The following ZNF48 variants were observed in gnomAD, a reference collection of about 807,000 sequenced individuals.
The protein encoded by ZNF48 is zinc finger protein 553.
ZNF48 carries 20 observed loss-of-function variants against 40.0 expected under a neutral mutation model. That is an observed-to-expected ratio of 0.50 (90% CI 0.35 to 0.73). ZNF48 has a LOEUF of 0.73. Ranked by LOEUF, ZNF48 falls within the 30% of genes least tolerant of loss-of-function variation. The pLI is 0.01. For synonymous variants in ZNF48, 298 were observed against 329.7 expected (o/e 0.90, Z 1.04); for missense variants, 726 against 851.9 (o/e 0.85, Z 1.84).
At chr16:30,389,573 A>C (rs1597014860) in intron 1 of ZNF48, among the ~76,000 whole-genome samples, 2 of 138,938 alleles carry the variant, frequency 1.4e-5, no homozygotes, top group East Asian at 4.1e-4. Flanking sequence ...ACTCTGTCTC[A>C]AAAAAAAAAA....
intron 1 of ZNF48, among the ~76,000 whole-genome samples, chr16:30,384,251 C>T (rs956074890): frequency 4.8e-5 from 7 of 145,184 alleles, no homozygotes; most frequent in African/African-American, 5.1e-5. Context: ...ACCTCAGGAC[C>T]GCTGCGGTGG....
chr16:30,389,441 T>G, intron 1 of ZNF48, among the ~76,000 whole-genome samples: 1 of 147,472 alleles, frequency 6.8e-6, no homozygotes, highest in Non-Finnish European at 1.5e-5. Context: ...GGCATGGTGG[T>G]GCGCGCCTGT....
chr16:30,382,396 C>A lies in ZNF48; in HGVS notation c.-16+3986C>A, dbSNP rs757000086. 10 of 1,583,962 alleles carry A rather than the reference C, an allele frequency of 6.3e-6. No individual in the cohort carries two copies. The South Asian group carries it at 1.0e-4, about 16-fold the overall frequency. ...GATGGGGGTGGACAATATGAGGCTG[C>A]TGGCAATGGCAGGCAGGGTCCCCAG... On this transcript the variant is annotated intron_variant, in intron 1 of 2. Transcript: ENST00000528032. This position sits in a 1 kb window ranked among gnomAD's most constrained non-coding sequence, Gnocchi z 4.8.
chr16:30,383,500 A>T (rs944850404), intron 1 of ZNF48, among the ~76,000 whole-genome samples: 15 of 152,204 alleles, frequency 9.9e-5, no homozygotes, highest in Admixed American at 4.6e-4. Flanking sequence ...ACGCTGTTTC[A>T]AAAAAAGAAA....
At position 30,399,257 on chromosome 16, in the gene ZNF48, C is replaced by G; in HGVS notation, c.*150C>G. 3.7e-6 allele frequency: 3 copies of G among 815,854 alleles called. No individual in the cohort carries two copies. The East Asian group carries it at 8.2e-5, about 22-fold the overall frequency. The allele number at this position is 815,854 out of a possible 1,614,324, so 50.5% of individuals were successfully genotyped here. ...TAGAAATAGGGATTGGAGACAGTAA[C>G]CTTGAAGCTCAGGAAACTGTCCTGG... On this transcript the variant is annotated 3_prime_UTR_variant, in exon 3 of 3. Coordinates refer to ENST00000613509, the MANE Select transcript of ZNF48 (RefSeq NM_001214909.2).
At chr16:30,378,422 C>T in intron 1 of ZNF48, 2 of 1,558,578 alleles carry the variant, frequency 1.3e-6, no homozygotes, top group Non-Finnish European at 1.7e-6. Context: ...TAAGGCCGGG[C>T]GGGGCGTGGC....
chr16:30,388,971 G>C (rs978672729), intron 1 of ZNF48, among the ~76,000 whole-genome samples: 1 of 148,970 alleles, frequency 6.7e-6, no homozygotes, highest in Non-Finnish European at 1.5e-5. Context: ...TGCAAAAAAG[G>C]CTCTTGTGGC....
chr16:30,392,773 C>G (rs145645433), upstream of ZNF48, among the ~76,000 whole-genome samples: 2 of 152,302 alleles, frequency 1.3e-5, no homozygotes, highest in East Asian at 3.9e-4. Context: ...CCACTGAACA[C>G]TACAGAAGGT....
intron 1 of ZNF48, among the ~76,000 whole-genome samples, chr16:30,384,092 A>G (rs2049880630): frequency 6.6e-6 from 1 of 152,026 alleles, no homozygotes; most frequent in Non-Finnish European, 1.5e-5. Context: ...GTGCGTACCT[A>G]TAATTCCAGC....
In ZNF48 at chr16:30,395,954, C is replaced by G. The variant is rs2049981262; in HGVS notation, c.79+81C>G. 4.4e-6 allele frequency: 6 copies of G among 1,354,074 alleles called. No homozygotes were observed. Among genetic ancestry groups the G allele is most frequent in the African/African-American group, 3.0e-5 (2 of 67,458 alleles). 83.9% of individuals were successfully genotyped at this position (1,354,074 alleles called of 1,614,324 possible). A position where few individuals can be genotyped will look rare whatever the true frequency, so the allele number is the denominator to read the frequency against. On this transcript the variant is annotated intron_variant, in intron 2 of 2. Coordinates refer to ENST00000613509, the MANE Select transcript of ZNF48 (RefSeq NM_001214909.2). This position sits in a 1 kb window ranked among gnomAD's most constrained non-coding sequence, Gnocchi z 5.9. ...ATGCTTGGCTGTGGCCGGCCGAGAT[C>G]CTGGAAGATCGGACGTGAGCTGTGC...
chr16:30,380,809 A>G, intron 1 of ZNF48: 1 of 382,696 alleles, frequency 2.6e-6, no homozygotes, highest in Non-Finnish European at 4.8e-6. Flanking sequence ...AGAGAGATAT[A>G]AGCAGAAACA....
intron 1 of ZNF48, among the ~76,000 whole-genome samples, chr16:30,385,246 C>T (rs1205451270): frequency 6.6e-6 from 1 of 151,132 alleles, no homozygotes; most frequent in Non-Finnish European, 1.5e-5. Context: ...AAGCAAAGGG[C>T]AGGGATCATG....
rs1183714580 is a variant in ZNF48, at chr16:30,380,776, A to G, written c.-16+2366A>G. The G allele has an allele frequency of 4.8e-5, 14 of 291,506 alleles. No homozygotes were observed. The Admixed American group carries it at 5.7e-4, about 12-fold the overall frequency. 18.1% of individuals were successfully genotyped at this position (291,506 alleles called of 1,614,324 possible). A position where few individuals can be genotyped will look rare whatever the true frequency, so the allele number is the denominator to read the frequency against. On this transcript the variant is annotated intron_variant, in intron 1 of 2. Coordinates refer to the ZNF48 transcript ENST00000528032. Reference sequence around the variant, plus strand: ...CAGAGTGAGACTCTATCTAAAAAAAAAAAGAGAGAGAAAGAGAGGCCGAGA... The same window carrying G: ...CAGAGTGAGACTCTATCTAAAAAAAGAAAGAGAGAGAAAGAGAGGCCGAGA...
chr16:30,386,299 G>A (rs753337276), intron 1 of ZNF48, among the ~76,000 whole-genome samples: 25 of 151,976 alleles, frequency 1.6e-4, no homozygotes, highest in South Asian at 2.1e-4. Flanking sequence ...CAAAATTTAG[G>A]ATGATATATA....
At position 30,397,811 on chromosome 16, in the gene ZNF48, T is replaced by G. The variant is rs765335724; in HGVS notation, c.561T>G (p.Ala187=). The stretch of plus-strand genomic sequence containing the variant: ...AGATTCCTCGGTCCCGGATCCCTGC[T>G]GGTGAGCGCCCCACTATCTGTGGTG... The part of the protein sequence containing the change: ...PPKIPRSRIP[A]GERPTICGEC... The change falls in exon 3 of 3, where the codon GCT becomes GCG. Residue 187 remains alanine, a synonymous_variant. Transcript: ENST00000613509. This position sits in a 1 kb window ranked among gnomAD's most constrained non-coding sequence, Gnocchi z 4.1. 6.2e-7 allele frequency: 1 copy of G among 1,613,668 alleles called. No homozygotes were observed. The highest frequency in any genetic ancestry group is 8.5e-7 in the Non-Finnish European group (1 of 1,179,952).
In ZNF48 at chr16:30,399,049, G is replaced by T; in HGVS notation, c.1799G>T (p.Gly600Val). The T allele has an allele frequency of 1.2e-6, 2 of 1,612,140 alleles. No homozygotes were observed. Among genetic ancestry groups the T allele is most frequent in the Non-Finnish European group, 8.5e-7 (1 of 1,178,984 alleles). Reference sequence around the variant, plus strand: ...GGGCACCTGGTCCTGACGCCCTTTGGGATAGGGGATGGTAGGGCAAGGCCC... The same window carrying T: ...GGGCACCTGGTCCTGACGCCCTTTGTGATAGGGGATGGTAGGGCAAGGCCC... ...QRGHLVLTPF[G>V]IGDGRARPLK... The change falls in exon 3 of 3, where the codon GGG becomes GTG. Residue 600 changes from glycine (G) to valine (V), a missense_variant. Transcript: ENST00000613509.
chr16:30,393,033 A>AC (rs1263006844), upstream of ZNF48, among the ~76,000 whole-genome samples: 8 of 151,324 alleles, frequency 5.3e-5, no homozygotes, highest in Admixed American at 2.0e-4. Context: ...ACAAACTAGA[A>AC]CCCTTCCTGT....
intron 1 of ZNF48, chr16:30,380,111 C>CA (rs1174819983): frequency 1.7e-6 from 2 of 1,196,128 alleles, no homozygotes; most frequent in Non-Finnish European, 2.3e-6. Context: ...CAGTGAGACA[C>CA]AGAGATACTG....
chr16:30,385,780 C>G (rs927635347), intron 1 of ZNF48, among the ~76,000 whole-genome samples: 1 of 151,694 alleles, frequency 6.6e-6, no homozygotes, highest in Non-Finnish European at 1.5e-5. Flanking sequence ...AGACCCTGAT[C>G]AACTCTTCTC....
Sources: allele counts gnomAD v4.1 joint callset (sites outside exome capture counted in the v4.1 genomes callset), GRCh38; gene constraint gnomAD v4.1.1; non-coding constraint Gnocchi (gnomAD v3.1); transcripts MANE v1.5; gene names NCBI Gene and HGNC (gene_info 2026-07-23, HGNC 2026-07-21).